VPS37A: variants seen among roughly 807,000 people sequenced by gnomAD.
VPS37A encodes VPS37A subunit of ESCRT-I.
A neutral mutation model predicts 49.8 loss-of-function variants in VPS37A; 30 were observed. The ratio of observed to expected loss-of-function variants is 0.60; its 90% CI spans 0.45 to 0.82. VPS37A has a LOEUF of 0.82. VPS37A is among the 40% of genes least tolerant of loss of function. The pLI is 0.00. For missense variants in VPS37A, 593 were observed against 464.4 expected (o/e 1.28, Z -2.55); for synonymous variants, 195 against 160.6 (o/e 1.21, Z -1.62).
chr8:17,304,746 C>CGTGTGTGTGTGTGTGTGTGTGTGT (rs10527892), downstream of VPS37A, among the ~76,000 whole-genome samples: 4,861 of 147,002 alleles, frequency 0.033, 164 homozygotes, highest in African/African-American at 0.07. Flanking sequence ...GTGTTCGATT[C>CGTGTGTGTGTGTGTGTGTGTGTGT]GTGTGTGTGT....
intron 5 of VPS37A, among the ~76,000 whole-genome samples, chr8:17,275,559 G>T (rs1157388872): frequency 2.0e-5 from 3 of 152,186 alleles, no homozygotes; most frequent in African/African-American, 7.2e-5. Context: ...GGAGCAGCAG[G>T]TGTCACATTA....
At chr8:17,320,166 TTTTTAC>T in the VPS37A span, among the ~76,000 whole-genome samples, 1 of 152,056 alleles carries the variant, frequency 6.6e-6, no homozygotes, top group Non-Finnish European at 1.5e-5. Flanking sequence ...TGAGATTTTC[TTTTTAC>T]TTTTAATGTG....
At chr8:17,288,968 C>T (rs1815886244) in intron 11 of VPS37A, among the ~76,000 whole-genome samples, 2 of 152,134 alleles carry the variant, frequency 1.3e-5, no homozygotes. Flanking sequence ...CTCTAGTGAC[C>T]AGTGATGATG....
At chr8:17,247,825 G>T in intron 1 of VPS37A, 2 of 697,452 alleles carry the variant, frequency 2.9e-6, no homozygotes, top group Non-Finnish European at 5.2e-6. Flanking sequence ...GGAAGCCAGA[G>T]TTTTCATCAG....
chr8:17,257,416 A>G (rs996128000), intron 1 of VPS37A, among the ~76,000 whole-genome samples: 16 of 152,144 alleles, frequency 1.1e-4, no homozygotes, highest in African/African-American at 3.9e-4. Flanking sequence ...TTGTGAGTCC[A>G]TATAAATATT....
intron 1 of VPS37A, among the ~76,000 whole-genome samples, chr8:17,251,530 A>C (rs1034620737): frequency 4.6e-5 from 7 of 152,222 alleles, no homozygotes; most frequent in Non-Finnish European, 7.3e-5. Context: ...ATAAGCTTCT[A>C]GCCAGCTTAT....
chr8:17,323,999 C>T, the VPS37A span, among the ~76,000 whole-genome samples: 1 of 152,186 alleles, frequency 6.6e-6, no homozygotes, highest in Non-Finnish European at 1.5e-5. Flanking sequence ...AATATAACTA[C>T]TATTCTCTCA....
At chr8:17,294,323 A>G (rs901304266) in intron 11 of VPS37A, among the ~76,000 whole-genome samples, 2 of 152,150 alleles carry the variant, frequency 1.3e-5, no homozygotes, top group Admixed American at 6.5e-5. Flanking sequence ...CCAGCATCCC[A>G]GGTCGACCTC....
At chr8:17,286,845 C>A (rs1226005017) in intron 11 of VPS37A, among the ~76,000 whole-genome samples, 1 of 152,134 alleles carries the variant, frequency 6.6e-6, no homozygotes, top group Admixed American at 6.5e-5. Context: ...ATTCACCTGT[C>A]CCCACGACTT....
At chr8:17,290,847 T>C (rs1326558790) in intron 11 of VPS37A, among the ~76,000 whole-genome samples, 1 of 152,206 alleles carries the variant, frequency 6.6e-6, no homozygotes, top group African/African-American at 2.4e-5. Flanking sequence ...TGCCTCGGTT[T>C]CAGAACTTGT....
intron 4 of VPS37A, 61 bp downstream of exon 4, chr8:17,269,017 T>C: frequency 8.4e-7 from 1 of 1,196,246 alleles, no homozygotes; most frequent in South Asian, 1.4e-5. Context: ...AATCAAAATA[T>C]AGTTTAAAAA....
intron 11 of VPS37A, among the ~76,000 whole-genome samples, chr8:17,293,204 C>A (rs1816305354): frequency 1.3e-5 from 2 of 151,590 alleles, no homozygotes; most frequent in South Asian, 4.2e-4. Flanking sequence ...TAAAATTGAT[C>A]TTCAGTCTCT....
intron 1 of VPS37A, among the ~76,000 whole-genome samples, chr8:17,261,923 C>A (rs1812997439): frequency 6.6e-6 from 1 of 152,214 alleles, no homozygotes. Context: ...CCCTTTGTCT[C>A]TGGCTGTCCT....
the VPS37A span, among the ~76,000 whole-genome samples, chr8:17,320,191 A>G: frequency 6.6e-6 from 1 of 152,120 alleles, no homozygotes; most frequent in Admixed American, 6.6e-5. Flanking sequence ...TGGCCACCAG[A>G]AAGTTTAAAA....
At chr8:17,287,384 A>AT (rs1224070346) in intron 11 of VPS37A, among the ~76,000 whole-genome samples, 3 of 151,758 alleles carry the variant, frequency 2.0e-5, no homozygotes, top group African/African-American at 7.3e-5. Flanking sequence ...CTTTTTTAAA[A>AT]TTTTTTCTGG....
intron 1 of VPS37A, among the ~76,000 whole-genome samples, chr8:17,252,011 C>G (rs1024575725): frequency 2.6e-5 from 4 of 152,100 alleles, no homozygotes; most frequent in African/African-American, 9.7e-5. Flanking sequence ...ATTCTCAGCT[C>G]ATGAGGACTC....
intron 1 of VPS37A, 179 bp downstream of exon 1, chr8:17,247,548 G>A (rs1811393283): frequency 1.1e-6 from 1 of 888,940 alleles, no homozygotes; most frequent in Non-Finnish European, 1.8e-6. Context: ...TTTTCCTCCG[G>A]ACCCTCCCTG....
downstream of VPS37A, chr8:17,304,495 T>C (rs145159949): frequency 6.6e-5 from 106 of 1,613,900 alleles, 1 homozygote; most frequent in African/African-American, 1.0e-3. Context: ...GGTGAGCCCA[T>C]AATGAGTATG....
chr8:17,303,438 T>A (rs1188410733), downstream of VPS37A, among the ~76,000 whole-genome samples: 2 of 152,050 alleles, frequency 1.3e-5, no homozygotes, highest in Non-Finnish European at 2.9e-5. Flanking sequence ...AAGAAAGAGA[T>A]GGGGTTTCTG....
Sources: allele counts gnomAD v4.1 joint callset (sites outside exome capture counted in the v4.1 genomes callset), GRCh38; gene constraint gnomAD v4.1.1; transcripts MANE v1.5; gene names NCBI Gene and HGNC (gene_info 2026-07-23, HGNC 2026-07-21).